Variants in ALPK1 observed in about 807,000 individuals in gnomAD.
ALPK1 encodes alpha-protein kinase 1.
Under a neutral mutation model 120.6 loss-of-function variants are expected in ALPK1, and 110 were observed. The ratio of observed to expected loss-of-function variants is 0.91; its 90% CI spans 0.78 to 1.07. The LOEUF is 1.07. Among genes scored for constraint, ALPK1 ranks in the 50% least tolerant of loss-of-function variants. The probability of loss-of-function intolerance (pLI) is 0.00; values close to 1 mark genes in which losing one functional copy is unlikely to be tolerated. For synonymous variants in ALPK1, 582 were observed against 560.3 expected (o/e 1.04, Z -0.55); for missense variants, 1,498 against 1,483.9 (o/e 1.01, Z -0.16).
intron 3 of ALPK1, among the ~76,000 whole-genome samples, chr4:112,378,952 T>C (rs951593255): frequency 6.6e-6 from 1 of 152,238 alleles, no homozygotes; most frequent in African/African-American, 2.4e-5. Context: ...TGTGTGACTT[T>C]GCTTCCTGGC....
At chr4:112,403,016 T>A (rs554391021) in intron 4 of ALPK1, among the ~76,000 whole-genome samples, 1 of 151,906 alleles carries the variant, frequency 6.6e-6, no homozygotes, top group East Asian at 1.9e-4. Context: ...TGGGTTAGGG[T>A]TTTTGTGTTG....
intron 4 of ALPK1, among the ~76,000 whole-genome samples, chr4:112,402,752 T>C (rs1453972440): frequency 1.3e-5 from 2 of 152,180 alleles, no homozygotes; most frequent in African/African-American, 4.8e-5. Flanking sequence ...TTGGTTGCTA[T>C]TTGGACAATC....
At chr4:112,344,272 T>A (rs1407059148) in intron 2 of ALPK1, among the ~76,000 whole-genome samples, 2 of 148,596 alleles carry the variant, frequency 1.3e-5, no homozygotes, top group East Asian at 3.9e-4. Flanking sequence ...GAGAAGACAG[T>A]GTGACAGGAG....
At chr4:112,396,885 C>G (rs1239864137) in intron 4 of ALPK1, among the ~76,000 whole-genome samples, 1 of 152,016 alleles carries the variant, frequency 6.6e-6, no homozygotes. Context: ...TCAAGCAATT[C>G]TTGTACCTCA....
At chr4:112,320,134 G>A (rs560424318) in intron 2 of ALPK1, among the ~76,000 whole-genome samples, 31 of 152,266 alleles carry the variant, frequency 2.0e-4, no homozygotes, top group African/African-American at 7.0e-4. Flanking sequence ...ATCTCAGGGG[G>A]AATGCTTTCA....
chr4:112,324,804 A>C (rs1729033754), intron 2 of ALPK1, among the ~76,000 whole-genome samples: 1 of 152,184 alleles, frequency 6.6e-6, no homozygotes, highest in Non-Finnish European at 1.5e-5. Context: ...CATACACTGC[A>C]AGAACTTGCA....
chr4:112,362,188 C>T (rs1730945110), intron 2 of ALPK1, among the ~76,000 whole-genome samples: 1 of 152,104 alleles, frequency 6.6e-6, no homozygotes, highest in Non-Finnish European at 1.5e-5. Context: ...TTTTTTATCA[C>T]CCCCAAAAGA....
chr4:112,421,021 C>T (rs988316878), intron 5 of ALPK1, among the ~76,000 whole-genome samples: 23 of 152,066 alleles, frequency 1.5e-4, no homozygotes, highest in Middle Eastern at 3.2e-3. Flanking sequence ...TTAGTAGAGA[C>T]GGGGTTTCAC....
chr4:112,304,805 T>C (rs1464858675), intron 1 of ALPK1, among the ~76,000 whole-genome samples: 1 of 152,126 alleles, frequency 6.6e-6, no homozygotes, highest in Non-Finnish European at 1.5e-5. Context: ...TTTGGTGTTT[T>C]AGACATGAAG....
rs144580205 is a variant in ALPK1, at chr4:112,317,125, A to G, written c.-101+1273A>G. Among the ~76,000 whole-genome samples the G allele has an allele frequency of 7.3e-4, 111 of 152,276 alleles. 1 individual carries two copies. Among genetic ancestry groups the G allele is most frequent in the African/African-American group, 2.5e-3 (103 of 41,566 alleles). ...TTGTTGAGTTACAGTTGTTCTTTAT[A>G]TACTCTGGATATTAACTCATTGTCA... On this transcript the variant is annotated intron_variant, in intron 2 of 15. Coordinates refer to ENST00000650871, the MANE Select transcript of ALPK1 (RefSeq NM_025144.4).
At chr4:112,303,627 C>G (rs1727886852) in intron 1 of ALPK1, among the ~76,000 whole-genome samples, 1 of 152,104 alleles carries the variant, frequency 6.6e-6, no homozygotes, top group Non-Finnish European at 1.5e-5. Flanking sequence ...CAATTTGTAT[C>G]AGATCATGCT....
intron 4 of ALPK1, among the ~76,000 whole-genome samples, chr4:112,400,499 A>G (rs113423024): frequency 1.0e-3 from 152 of 152,316 alleles, no homozygotes; most frequent in African/African-American, 3.3e-3. Flanking sequence ...TGTAGTCCCA[A>G]TTGCCGGGCA....
chr4:112,413,030 G>T (rs995105039), intron 5 of ALPK1, among the ~76,000 whole-genome samples: 4 of 152,216 alleles, frequency 2.6e-5, no homozygotes, highest in African/African-American at 9.6e-5. Context: ...CATAAATTGT[G>T]CAGGTCTTGT....
chr4:112,319,270 A>T (rs957602769), intron 2 of ALPK1, among the ~76,000 whole-genome samples: 7 of 152,216 alleles, frequency 4.6e-5, no homozygotes, highest in African/African-American at 1.7e-4. Context: ...AAGGAAGAAT[A>T]CAAGAGAACA....
chr4:112,356,946 GT>G, intron 2 of ALPK1: 2 of 762,700 alleles, frequency 2.6e-6, no homozygotes, highest in Non-Finnish European at 4.9e-6. Flanking sequence ...CATGACCCGA[GT>G]TCGGGACTGG....
At chr4:112,396,078 G>GA (rs962062981) in intron 4 of ALPK1, among the ~76,000 whole-genome samples, 6 of 151,808 alleles carry the variant, frequency 4.0e-5, no homozygotes, top group South Asian at 2.1e-4. Context: ...AAGAAAGAAA[G>GA]AAAAAAAATT....
chr4:112,347,821 A>T (rs1730164339), intron 2 of ALPK1, among the ~76,000 whole-genome samples: 1 of 151,670 alleles, frequency 6.6e-6, no homozygotes, highest in Admixed American at 6.6e-5. Flanking sequence ...GCAAGCAATT[A>T]TTTTTTGCCA....
chr4:112,314,425 C>A (rs143517822), intron 1 of ALPK1, among the ~76,000 whole-genome samples: 1 of 152,040 alleles, frequency 6.6e-6, no homozygotes, highest in Non-Finnish European at 1.5e-5. Flanking sequence ...GAGAGAGATT[C>A]GTGAATTTGA....
chr4:112,354,521 G>A lies in ALPK1; in HGVS notation c.-100-23157G>A, dbSNP rs551341537. Among the ~76,000 whole-genome samples, 11 of 152,316 alleles carry A rather than the reference G, an allele frequency of 7.2e-5. 1 individual carries two copies. The highest frequency in any genetic ancestry group is 4.6e-4 in the Admixed American group (7 of 15,302). On this transcript the variant is annotated intron_variant, in intron 2 of 15. Transcript: ENST00000650871. ...TACTCTATCAGCCAGGGGCTGGAGTGTAATGGCATAATCTTGGCTCACTGC... is the reference window on the plus strand; with the variant it reads ...TACTCTATCAGCCAGGGGCTGGAGTATAATGGCATAATCTTGGCTCACTGC...
Sources: gnomAD v4.1 joint callset for allele counts (sites outside exome capture counted in the v4.1 genomes callset) on GRCh38, gnomAD v4.1.1 for gene constraint, MANE v1.5 for transcripts, NCBI Gene and HGNC (gene_info 2026-07-23, HGNC 2026-07-21) for gene names.